NKAIN3: variants seen among roughly 807,000 people sequenced by gnomAD.
The protein encoded by NKAIN3 is sodium/potassium-transporting ATPase subunit beta-1-interacting protein 3.
NKAIN3 carries 25 observed loss-of-function variants against 30.2 expected under a neutral mutation model. The observed-to-expected ratio is 0.83, with a 90% CI of 0.60 to 1.16. The LOEUF (loss-of-function observed/expected upper bound fraction) is 1.16, where lower values mean the gene tolerates loss of function less well. NKAIN3 is among the 50% of genes most tolerant of loss of function. The pLI, the probability that NKAIN3 is intolerant of heterozygous loss-of-function variation, is 0.00. For missense variants in NKAIN3, 225 were observed against 254.1 expected, an observed-to-expected ratio of 0.89 and a Z score of 0.78; for synonymous variants, 91 against 89.6, an observed-to-expected ratio of 1.02 and a Z score of -0.09.
At chr8:62,627,686 CT>C (rs922560449) in intron 3 of NKAIN3, among the ~76,000 whole-genome samples, 2 of 152,038 alleles carry the variant, frequency 1.3e-5, no homozygotes, top group African/African-American at 2.4e-5. Context: ...TAAAAATCTC[CT>C]TTTCTCTTGA....
intron 1 of NKAIN3, among the ~76,000 whole-genome samples, chr8:62,575,162 G>A (rs1416074522): frequency 6.6e-6 from 1 of 152,036 alleles, no homozygotes; most frequent in Non-Finnish European, 1.5e-5. Flanking sequence ...ATCAAATTGG[G>A]AAGGAAGAAG....
At chr8:62,926,151 C>T (rs1279485996) in intron 5 of NKAIN3, among the ~76,000 whole-genome samples, 2 of 152,128 alleles carry the variant, frequency 1.3e-5, no homozygotes, top group African/African-American at 4.8e-5. Flanking sequence ...CCTCGTGACA[C>T]CCTGGATGCA....
At chr8:62,601,808 C>G (rs1810991968) in intron 3 of NKAIN3, among the ~76,000 whole-genome samples, 1 of 152,032 alleles carries the variant, frequency 6.6e-6, no homozygotes, top group Admixed American at 6.6e-5. Flanking sequence ...TAAAAAATAG[C>G]AAGGAAATGT....
At chr8:62,321,880 G>T (rs1188790491) in intron 1 of NKAIN3, among the ~76,000 whole-genome samples, 1 of 152,182 alleles carries the variant, frequency 6.6e-6, no homozygotes, top group Non-Finnish European at 1.5e-5. Flanking sequence ...ATTTAAGTCT[G>T]CAGAGATTTC....
intron 4 of NKAIN3, among the ~76,000 whole-genome samples, chr8:62,812,945 T>G (rs748763602): frequency 1.3e-5 from 2 of 151,950 alleles, no homozygotes; most frequent in African/African-American, 2.4e-5. Flanking sequence ...CTGTGTTTGT[T>G]ATCTTTTCTT....
At chr8:62,903,265 A>G (rs1821665530) in intron 4 of NKAIN3, among the ~76,000 whole-genome samples, 2 of 152,174 alleles carry the variant, frequency 1.3e-5, no homozygotes, top group African/African-American at 2.4e-5. Flanking sequence ...TTCTTCACAT[A>G]ATTTCAGGCT....
intron 1 of NKAIN3, among the ~76,000 whole-genome samples, chr8:62,303,557 A>G (rs1214668657): frequency 1.3e-5 from 2 of 150,578 alleles, no homozygotes; most frequent in Non-Finnish European, 2.9e-5. Flanking sequence ...TTTAGAAGCT[A>G]TGAGATCTTA....
chr8:62,471,123 A>C (rs1285505025), intron 1 of NKAIN3, among the ~76,000 whole-genome samples: 1 of 152,190 alleles, frequency 6.6e-6, no homozygotes, highest in Non-Finnish European at 1.5e-5. Context: ...GTAGGATTGC[A>C]ATTATCTAAA....
rs1164164642 is a variant in NKAIN3 at position 62,316,521 on chromosome 8, A to G, written c.54+67394A>G. Among the ~76,000 whole-genome samples, 4 of 151,800 alleles carry G rather than the reference A, an allele frequency of 2.6e-5. No homozygotes were observed. The East Asian group carries it at 7.8e-4, about 30-fold the overall frequency. ...TCAATTCCCACCTATAAGTGAGAAC[A>G]TGTGGGGTTTGGTTTTTTGTCCTTG... is the stretch of plus-strand genomic sequence containing the variant. On this transcript the variant is annotated intron_variant, in intron 1 of 6. Transcript: ENST00000623646.
intron 3 of NKAIN3, among the ~76,000 whole-genome samples, chr8:62,610,916 T>C (rs1441455999): frequency 2.0e-5 from 3 of 152,112 alleles, no homozygotes; most frequent in African/African-American, 7.2e-5. Flanking sequence ...AGTAGAATCT[T>C]AGTTTCATAG....
intron 4 of NKAIN3, among the ~76,000 whole-genome samples, chr8:62,832,320 C>A (rs1018058173): frequency 6.8e-6 from 1 of 147,190 alleles, no homozygotes; most frequent in African/African-American, 2.5e-5. Flanking sequence ...AGTACATATC[C>A]CACAGACTCT....
chr8:62,602,132 C>T (rs1046349040), intron 3 of NKAIN3, among the ~76,000 whole-genome samples: 3 of 152,014 alleles, frequency 2.0e-5, no homozygotes, highest in South Asian at 2.1e-4. Flanking sequence ...TTGCCACAAC[C>T]TGGGTAGTAT....
At chr8:62,674,309 C>CA (rs1425232587) in intron 3 of NKAIN3, among the ~76,000 whole-genome samples, 3 of 152,210 alleles carry the variant, frequency 2.0e-5, no homozygotes, top group Admixed American at 6.5e-5. Context: ...TGAACTTATG[C>CA]AAAAAACAGC....
rs1003350544 is a variant in NKAIN3, at chr8:62,965,437, G to A, written c.*30G>A. On this transcript the variant is annotated 3_prime_UTR_variant, in exon 7 of 7. Transcript: ENST00000623646. ...CAAAGGACCATTGACTGCGCGCCTCGGTGGATCCGACCCGCCTGACATTCC... is the reference window on the plus strand; with the variant it reads ...CAAAGGACCATTGACTGCGCGCCTCAGTGGATCCGACCCGCCTGACATTCC... 35 of 985,588 alleles carry A rather than the reference G, an allele frequency of 3.6e-5. No homozygotes were observed. The highest frequency in any genetic ancestry group is 2.3e-4 in the East Asian group (2 of 8,820). 61.1% of individuals were successfully genotyped at this position (985,588 alleles called of 1,614,324 possible).
rs1371776509 is a variant in NKAIN3 at position 62,779,981 on chromosome 8, A to G, written c.471+32852A>G. 9.2e-5 allele frequency among the ~76,000 whole-genome samples: 14 copies of G among 152,280 alleles called. No individual in the cohort carries two copies. In the South Asian group the frequency reaches 1.7e-3, roughly 18 times the overall value. On this transcript the variant is annotated intron_variant, in intron 4 of 6. Transcript: ENST00000623646. ...AGCAGAACTAAATGCAATGGAGACT[A>G]CAGAAACAATACAAAAGATCATTGA...
At chr8:62,627,102 T>C (rs910017299) in intron 3 of NKAIN3, among the ~76,000 whole-genome samples, 18 of 152,114 alleles carry the variant, frequency 1.2e-4, no homozygotes, top group Admixed American at 1.2e-3. Flanking sequence ...CTGGGAGATA[T>C]AATGGACAGA....
At chr8:62,662,185 A>G (rs183078043) in intron 3 of NKAIN3, among the ~76,000 whole-genome samples, 284 of 152,320 alleles carry the variant, frequency 1.9e-3, no homozygotes, top group African/African-American at 6.6e-3. Context: ...GCTGAGGAGC[A>G]CTAACCCCAG....
At chr8:62,540,019 T>C (rs969669110) in intron 1 of NKAIN3, among the ~76,000 whole-genome samples, 2 of 152,230 alleles carry the variant, frequency 1.3e-5, no homozygotes, top group Non-Finnish European at 2.9e-5. Flanking sequence ...TGTAACACTC[T>C]TGGTGACTAT....
chr8:62,925,533 C>T (rs1189965644), intron 5 of NKAIN3, among the ~76,000 whole-genome samples: 3 of 152,172 alleles, frequency 2.0e-5, no homozygotes, highest in African/African-American at 7.2e-5. Flanking sequence ...TTGAGACCAG[C>T]AAGCAGACAA....
Sources: allele counts gnomAD v4.1 joint callset (sites outside exome capture counted in the v4.1 genomes callset), GRCh38; gene constraint gnomAD v4.1.1; transcripts MANE v1.5; gene names NCBI Gene and HGNC (gene_info 2026-07-23, HGNC 2026-07-21).